IL1RAPL1: variants seen among roughly 807,000 people sequenced by gnomAD.
IL1RAPL1 encodes interleukin-1 receptor accessory protein-like 1.
A neutral mutation model predicts 48.4 loss-of-function variants in IL1RAPL1; 3 were observed. The observed-to-expected ratio is 0.06, with a 90% CI of 0.03 to 0.16. IL1RAPL1 has a LOEUF of 0.16. Ranked by LOEUF, IL1RAPL1 falls within the 10% of genes least tolerant of loss-of-function variation. The pLI, the probability that IL1RAPL1 is intolerant of heterozygous loss-of-function variation, is 1.00. For missense variants in IL1RAPL1, 349 were observed against 530.6 expected, an observed-to-expected ratio of 0.66 and a Z score of 3.36; for synonymous variants, 185 against 187.7, an observed-to-expected ratio of 0.99 and a Z score of 0.12.
intron 6 of IL1RAPL1, among the ~76,000 whole-genome samples, chrX:29,882,142 G>A (rs754806948): frequency 9.0e-6 from 1 of 111,526 alleles, no homozygotes; most frequent in African/African-American, 3.2e-5. Context: ...CCAAGAAACA[G>A]CCTTCCTGTA....
intron 2 of IL1RAPL1, among the ~76,000 whole-genome samples, chrX:28,947,174 T>G (rs908263603): frequency 9.0e-6 from 1 of 111,570 alleles, no homozygotes; most frequent in African/African-American, 3.3e-5. Flanking sequence ...AGGAGCACAG[T>G]CCCATAGCAA....
Position 28,832,568 on chromosome X carries a change from T to C in IL1RAPL1, c.82+43143T>C, listed in dbSNP as rs1489578741. The stretch of plus-strand genomic sequence containing the variant: ...GCTGGAAAATCCCTCCAAGTTCATC[T>C]GAACTGGAGAAAAATCAAGTCTAAA... On this transcript the variant is annotated intron_variant, in intron 2 of 10. Transcript: ENST00000378993. 9.9e-5 allele frequency among the ~76,000 whole-genome samples: 11 copies of C among 111,169 alleles called. No homozygotes were observed. In the Admixed American group the frequency reaches 1.1e-3, roughly 11 times the overall value.
At chrX:29,420,356 C>T (rs1392987297) in intron 5 of IL1RAPL1, among the ~76,000 whole-genome samples, 3 of 112,703 alleles carry the variant, frequency 2.7e-5, no homozygotes, top group Non-Finnish European at 5.6e-5. Flanking sequence ...CTAAGCTACA[C>T]AGCTGCCACT....
At position 29,955,851 on chromosome X, in the gene IL1RAPL1, A is replaced by G; in HGVS notation, c.*31A>G. The G allele has an allele frequency of 9.0e-7, 1 of 1,112,973 alleles. No homozygotes were observed. The highest frequency in any genetic ancestry group is 1.2e-6 in the Non-Finnish European group (1 of 806,875). 91.7% of individuals were successfully genotyped at this position (1,112,973 alleles called of 1,213,427 possible). On this transcript the variant is annotated 3_prime_UTR_variant, in exon 11 of 11. Coordinates refer to ENST00000378993, the MANE Select transcript of IL1RAPL1 (RefSeq NM_014271.4). ...AAGCAAGGGACATCCCGTCCCTGGG[A>G]GGTTGAGTGGAATCTGCAGTCCAGT...
At chrX:29,372,288 T>C (rs994539680) in intron 3 of IL1RAPL1, among the ~76,000 whole-genome samples, 12 of 112,190 alleles carry the variant, frequency 1.1e-4, no homozygotes, top group Admixed American at 5.7e-4. Context: ...TTTTTGCCTG[T>C]TGATTTAAGT....
intron 2 of IL1RAPL1, among the ~76,000 whole-genome samples, chrX:28,812,864 C>T (rs941866438): frequency 1.2e-4 from 13 of 110,655 alleles, no homozygotes; most frequent in African/African-American, 3.9e-4. Context: ...TCCTACCACA[C>T]TTGTCACATT....
chrX:28,961,894 G>A (rs1392782625), intron 2 of IL1RAPL1, among the ~76,000 whole-genome samples: 2 of 111,497 alleles, frequency 1.8e-5, no homozygotes, highest in Non-Finnish European at 3.8e-5. Flanking sequence ...TAATTTTTTT[G>A]AGACAATAGT....
At chrX:28,610,927 C>T (rs1417601490) in intron 1 of IL1RAPL1, among the ~76,000 whole-genome samples, 1 of 111,322 alleles carries the variant, frequency 9.0e-6, no homozygotes, top group Non-Finnish European at 1.9e-5. Flanking sequence ...ACAAGCAGTG[C>T]CAGCTAATGC....
intron 5 of IL1RAPL1, among the ~76,000 whole-genome samples, chrX:29,634,900 T>G (rs897778751): frequency 9.0e-6 from 1 of 111,635 alleles, no homozygotes; most frequent in Non-Finnish European, 1.9e-5. Flanking sequence ...GATGAAAACT[T>G]CAAAAAATTA....
At chrX:29,407,340 T>C (rs1934086020) in intron 5 of IL1RAPL1, among the ~76,000 whole-genome samples, 1 of 112,054 alleles carries the variant, frequency 8.9e-6, no homozygotes, top group Non-Finnish European at 1.9e-5. Flanking sequence ...CAAAGCGATA[T>C]AGCTACATTT....
chrX:29,940,657 T>G (rs1302147825), intron 8 of IL1RAPL1, among the ~76,000 whole-genome samples: 1 of 111,754 alleles, frequency 8.9e-6, no homozygotes, highest in Non-Finnish European at 1.9e-5. Context: ...ACTATTTAAA[T>G]ACCAATATCC....
intron 5 of IL1RAPL1, among the ~76,000 whole-genome samples, chrX:29,652,432 G>T (rs1925548963): frequency 9.0e-6 from 1 of 111,023 alleles, no homozygotes; most frequent in Non-Finnish European, 1.9e-5. Context: ...GAGGGATACG[G>T]AAGGATGGGT....
Position 29,449,772 on chromosome X carries a change from C to CAG in IL1RAPL1, c.703+50465_703+50466insGA, listed in dbSNP as rs1373203283. On this transcript the variant is annotated intron_variant, in intron 5 of 10. Transcript: ENST00000378993. ...ACACACACACACACACACACACACACACACACACAGAGAGAGAGAGAGAGA... is the reference window on the plus strand; with the variant it reads ...ACACACACACACACACACACACACACAGACACACACAGAGAGAGAGAGAGAGA... Among the ~76,000 whole-genome samples the CAG allele has an allele frequency of 1.8e-3, 136 of 74,304 alleles. 1 individual carries two copies. The highest frequency in any genetic ancestry group is 6.2e-3 in the African/African-American group (90 of 14,537). The allele number at this position is 74,304 out of a possible 115,157, so 64.5% of individuals were successfully genotyped here.
chrX:29,304,312 A>G (rs1373581345), intron 3 of IL1RAPL1, among the ~76,000 whole-genome samples: 1 of 111,093 alleles, frequency 9.0e-6, no homozygotes, highest in Non-Finnish European at 1.9e-5. Flanking sequence ...ATGAATATCC[A>G]CAGGACCAAC....
chrX:29,823,327 G>A (rs144929935), intron 6 of IL1RAPL1, among the ~76,000 whole-genome samples: 114 of 111,902 alleles, frequency 1.0e-3, no homozygotes, highest in Non-Finnish European at 1.5e-3. Flanking sequence ...GACTGACCTC[G>A]TTTTTCCAAG....
intron 8 of IL1RAPL1, among the ~76,000 whole-genome samples, chrX:29,921,487 T>C (rs1932847889): frequency 1.8e-5 from 2 of 112,042 alleles, no homozygotes; most frequent in Non-Finnish European, 3.8e-5. Flanking sequence ...TTTAGGGATG[T>C]GAGTCAAGGA....
chrX:28,981,180 A>G (rs1320418651), intron 2 of IL1RAPL1, among the ~76,000 whole-genome samples: 1 of 104,454 alleles, frequency 9.6e-6, no homozygotes, highest in Non-Finnish European at 2.0e-5. Context: ...TGCTGTAGGT[A>G]GAATGACTCT....
At chrX:29,431,866 T>C (rs2147712739) in intron 5 of IL1RAPL1, among the ~76,000 whole-genome samples, 1 of 111,556 alleles carries the variant, frequency 9.0e-6, no homozygotes, top group South Asian at 3.7e-4. Context: ...GGAGCCCCCT[T>C]AAATGTGTAT....
At chrX:29,830,967 C>A (rs754745063) in intron 6 of IL1RAPL1, among the ~76,000 whole-genome samples, 5 of 111,251 alleles carry the variant, frequency 4.5e-5, no homozygotes, top group Non-Finnish European at 3.8e-5. Context: ...TTAGGAGATG[C>A]GTTTTGGAAA....
Sources: allele counts gnomAD v4.1 joint callset (sites outside exome capture counted in the v4.1 genomes callset), GRCh38; gene constraint gnomAD v4.1.1; transcripts MANE v1.5; gene names NCBI Gene and HGNC (gene_info 2026-07-23, HGNC 2026-07-21).